PAM: variants seen among roughly 807,000 people sequenced by gnomAD.
PAM encodes peptidylglycine alpha-amidating monooxygenase.
PAM carries 72 observed loss-of-function variants against 122.1 expected under a neutral mutation model. The ratio of observed to expected loss-of-function variants is 0.59; its 90% CI spans 0.49 to 0.72. The LOEUF (loss-of-function observed/expected upper bound fraction) is 0.72. Among genes scored for constraint, PAM ranks in the 30% least tolerant of loss-of-function variants. The pLI is 0.00. For synonymous variants in PAM, 389 were observed against 404.4 expected (o/e 0.96, Z 0.46); for missense variants, 1,106 against 1,183.7 (o/e 0.93, Z 0.96).
chr5:102,970,850 G>A (rs1165007067), intron 14 of PAM, among the ~76,000 whole-genome samples: 1 of 151,232 alleles, frequency 6.6e-6, no homozygotes. Flanking sequence ...TCTGTCTCCC[G>A]GGCTGGAGTG....
chr5:102,782,086 C>T (rs1244418957), intron 1 of PAM, among the ~76,000 whole-genome samples: 1 of 152,192 alleles, frequency 6.6e-6, no homozygotes, highest in East Asian at 1.9e-4. Flanking sequence ...TGTATCCTTG[C>T]TCATGAAATG....
At chr5:102,796,322 T>TGTG (rs1763372113) in intron 1 of PAM, among the ~76,000 whole-genome samples, 1 of 152,184 alleles carries the variant, frequency 6.6e-6, no homozygotes, top group South Asian at 2.1e-4. Flanking sequence ...TAGATCGATC[T>TGTG]GTGCCTCTGC....
In PAM at chr5:102,795,179, G is replaced by A. The variant is rs1270803551; in HGVS notation, c.-374+39831G>A. Among the ~76,000 whole-genome samples, 9 of 47,748 alleles carry A rather than the reference G, an allele frequency of 1.9e-4. No individual in the cohort carries two copies. In the Admixed American group the frequency reaches 2.4e-3, roughly 13 times the overall value. The allele number at this position is 47,748 out of a possible 152,430, so 31.3% of individuals were successfully genotyped here. On this transcript the variant is annotated intron_variant, in intron 1 of 25. Transcript: ENST00000438793. ...CACTCCAGCCAGGGTGACAAAGTGAGACAATGTCTCAAAAAAAAAAAAAAA... is the reference window on the plus strand; with the variant it reads ...CACTCCAGCCAGGGTGACAAAGTGAAACAATGTCTCAAAAAAAAAAAAAAA...
intron 1 of PAM, among the ~76,000 whole-genome samples, chr5:102,861,497 T>C (rs1005177145): frequency 6.6e-6 from 1 of 151,250 alleles, no homozygotes; most frequent in African/African-American, 2.4e-5. Context: ...TCATAGAAGC[T>C]GAAGACAGAC....
chr5:102,815,033 A>C (rs1344361195), intron 1 of PAM, among the ~76,000 whole-genome samples: 1 of 151,892 alleles, frequency 6.6e-6, no homozygotes, highest in Non-Finnish European at 1.5e-5. Context: ...TTATTCCTCT[A>C]TCTTCCTTTA....
intron 15 of PAM, among the ~76,000 whole-genome samples, chr5:102,984,326 T>C: frequency 6.6e-6 from 1 of 152,206 alleles, no homozygotes; most frequent in Admixed American, 6.5e-5. Context: ...CCCAACTATT[T>C]GCTGCTCGTA....
At chr5:102,909,025 A>G (rs114872288) in intron 4 of PAM, among the ~76,000 whole-genome samples, 6 of 151,964 alleles carry the variant, frequency 3.9e-5, no homozygotes, top group Non-Finnish European at 7.4e-5. Context: ...CAGTTTTTGA[A>G]GCATAATCAT....
chr5:102,903,636 CTG>C (rs1289367567), intron 4 of PAM, among the ~76,000 whole-genome samples: 1 of 151,454 alleles, frequency 6.6e-6, no homozygotes, highest in Non-Finnish European at 1.5e-5. Context: ...CTGCCAGACA[CTG>C]TAAGATACTG....
chr5:102,899,312 T>G (rs1424786441), intron 3 of PAM, among the ~76,000 whole-genome samples: 1 of 151,672 alleles, frequency 6.6e-6, no homozygotes, highest in East Asian at 1.9e-4. Flanking sequence ...GGTTCCTTTA[T>G]TCTCTGTATT....
chr5:102,964,349 CACTA>C (rs1397998036), intron 14 of PAM, among the ~76,000 whole-genome samples: 1 of 151,956 alleles, frequency 6.6e-6, no homozygotes, highest in African/African-American at 2.4e-5. Context: ...CTCACAAACA[CACTA>C]ACCTTTCACC....
intron 7 of PAM, among the ~76,000 whole-genome samples, chr5:102,939,031 T>C (rs1297237146): frequency 6.6e-6 from 1 of 152,182 alleles, no homozygotes; most frequent in Non-Finnish European, 1.5e-5. Flanking sequence ...TTTATGTTAA[T>C]TGACTGTTTT....
intron 16 of PAM, among the ~76,000 whole-genome samples, chr5:102,990,744 G>A (rs1773819663): frequency 6.6e-6 from 1 of 152,178 alleles, no homozygotes. Context: ...ACTTCAAGGA[G>A]AGTGCTTATG....
intron 1 of PAM, among the ~76,000 whole-genome samples, chr5:102,816,271 A>G (rs1769752791): frequency 6.6e-6 from 1 of 152,150 alleles, no homozygotes. Context: ...ACCACTGGAC[A>G]CACATTTTAA....
chr5:102,818,506 C>T (rs78943353), intron 1 of PAM, among the ~76,000 whole-genome samples: 8,393 of 152,126 alleles, frequency 0.055, 329 homozygotes, highest in Non-Finnish European at 0.084. Context: ...GTCTTGGTGG[C>T]ATATGACACT....
intron 1 of PAM, among the ~76,000 whole-genome samples, chr5:102,814,580 T>C (rs1296056781): frequency 3.4e-5 from 5 of 146,478 alleles, no homozygotes; most frequent in African/African-American, 7.4e-5. Context: ...CATATATTGA[T>C]ATATACATAT....
intron 7 of PAM, among the ~76,000 whole-genome samples, chr5:102,939,911 A>AT (rs1453876309): frequency 2.0e-5 from 3 of 152,024 alleles, no homozygotes; most frequent in Non-Finnish European, 4.4e-5. Flanking sequence ...AAATATATAT[A>AT]TTCTTATTAA....
intron 13 of PAM, among the ~76,000 whole-genome samples, 187 bp from the exon 14 acceptor site, chr5:102,960,971 G>T (rs999348180): frequency 9.5e-6 from 1 of 105,690 alleles, no homozygotes; most frequent in Non-Finnish European, 1.7e-5. Flanking sequence ...TAATTGGTAG[G>T]TTGTGCTGGG....
intron 3 of PAM, among the ~76,000 whole-genome samples, chr5:102,891,979 C>T (rs578261660): frequency 1.1e-4 from 17 of 151,930 alleles, no homozygotes; most frequent in Admixed American, 9.9e-4. Context: ...CAGCATTGGC[C>T]TTCCCTTTCC....
At chr5:103,004,648 A>AT (rs1273713753) in intron 17 of PAM, among the ~76,000 whole-genome samples, 2 of 152,192 alleles carry the variant, frequency 1.3e-5, no homozygotes, top group African/African-American at 4.8e-5. Context: ...TTCACAGCCC[A>AT]TGTTGGCTGG....
Sources: allele counts gnomAD v4.1 joint callset (sites outside exome capture counted in the v4.1 genomes callset), GRCh38; gene constraint gnomAD v4.1.1; transcripts MANE v1.5; gene names NCBI Gene and HGNC (gene_info 2026-07-23, HGNC 2026-07-21).